Variants in STEAP1B observed in about 807,000 individuals in gnomAD.
STEAP1B encodes the protein STEAP family protein MGC87042.
Under a neutral mutation model 27.9 loss-of-function variants are expected in STEAP1B, and 13 were observed. That is an observed-to-expected ratio of 0.47 (90% CI 0.30 to 0.74). The LOEUF (loss-of-function observed/expected upper bound fraction) is 0.74, where lower values mean the gene tolerates loss of function less well. Ranked by LOEUF, STEAP1B falls within the 30% of genes least tolerant of loss-of-function variation. The probability of loss-of-function intolerance (pLI) is 0.06; values close to 1 mark genes in which losing one functional copy is unlikely to be tolerated. For missense variants in STEAP1B, 250 were observed against 298.7 expected, an observed-to-expected ratio of 0.84 and a Z score of 1.20; for synonymous variants, 86 against 107.1, an observed-to-expected ratio of 0.80 and a Z score of 1.22.
intron 4 of STEAP1B, among the ~76,000 whole-genome samples, chr7:22,470,075 G>C (rs931705126): frequency 6.6e-6 from 1 of 152,062 alleles, no homozygotes. Context: ...TGCACTCCAG[G>C]AGCAATGAGT....
At chr7:22,424,792 T>C (rs1006104556) in intron 4 of STEAP1B, among the ~76,000 whole-genome samples, 3 of 151,528 alleles carry the variant, frequency 2.0e-5, no homozygotes, top group Non-Finnish European at 4.4e-5. Flanking sequence ...TACCAAAGAA[T>C]ACCATTAAAA....
At chr7:22,472,232 G>C (rs973365575) in intron 4 of STEAP1B, among the ~76,000 whole-genome samples, 3 of 152,170 alleles carry the variant, frequency 2.0e-5, no homozygotes, top group African/African-American at 7.2e-5. Flanking sequence ...TAGTTCATCT[G>C]TGCAAATGTG....
chr7:22,422,096 T>C (rs139478823), intron 4 of STEAP1B, among the ~76,000 whole-genome samples: 2 of 152,380 alleles, frequency 1.3e-5, no homozygotes, highest in African/African-American at 2.4e-5. Flanking sequence ...TTCAACTGTG[T>C]TACCACTTAA....
chr7:22,495,606 A>T (rs1420258192), intron 1 of STEAP1B: 1 of 152,228 alleles, frequency 6.6e-6, no homozygotes, highest in Non-Finnish European at 1.5e-5. Flanking sequence ...TCACAGTACT[A>T]TTCATTGTTT....
chr7:22,494,869 T>C lies in STEAP1B; in HGVS notation c.-14A>G. On this transcript the variant is annotated 5_prime_UTR_variant, in exon 2 of 5. Transcript: ENST00000678116. ...TCTGCTTTCCATTAATTCTATAAAA[T>C]AGTATGGCTTCAGCCACCTGTAAAA... 1.3e-6 allele frequency: 2 copies of C among 1,483,012 alleles called. No homozygotes were observed. Among genetic ancestry groups the C allele is most frequent in the Non-Finnish European group, 1.8e-6 (2 of 1,090,786 alleles). The allele number at this position is 1,483,012 out of a possible 1,614,324, so 91.9% of individuals were successfully genotyped here. A position where few individuals can be genotyped will look rare whatever the true frequency, so the allele number is the denominator to read the frequency against.
chr7:22,425,850 C>A (rs1265216081), intron 4 of STEAP1B, among the ~76,000 whole-genome samples: 2 of 152,230 alleles, frequency 1.3e-5, no homozygotes, highest in African/African-American at 4.8e-5. Flanking sequence ...CTGACAAACG[C>A]TATCCTGCTG....
At chr7:22,487,760 G>A (rs1379328987) in intron 4 of STEAP1B, among the ~76,000 whole-genome samples, 1 of 132,920 alleles carries the variant, frequency 7.5e-6, no homozygotes, top group Non-Finnish European at 1.5e-5. Flanking sequence ...AACCAAGATC[G>A]CACCATTGCA....
intron 4 of STEAP1B, among the ~76,000 whole-genome samples, chr7:22,481,586 C>T (rs910286655): frequency 1.1e-4 from 16 of 152,218 alleles, no homozygotes; most frequent in Non-Finnish European, 1.0e-4. Context: ...AAGATCCCTG[C>T]GTTGGTTTGC....
rs577477974 is a variant in STEAP1B, at chr7:22,478,470, C to T, written c.762+14095G>A. ...TTCTTTAACACAGTCCTATGATAGCCACACGCTGTCACAGGAATAAGTAGT... is the reference window on the plus strand; with the variant it reads ...TTCTTTAACACAGTCCTATGATAGCTACACGCTGTCACAGGAATAAGTAGT... On this transcript the variant is annotated intron_variant, in intron 4 of 4. Coordinates refer to ENST00000678116, the MANE Select transcript of STEAP1B (RefSeq NM_001382447.1). 3.9e-5 allele frequency among the ~76,000 whole-genome samples: 6 copies of T among 152,178 alleles called. No individual in the cohort carries two copies. The East Asian group carries it at 1.2e-3, about 29-fold the overall frequency.
chr7:22,484,561 A>ATGTTT (rs887580793), intron 4 of STEAP1B, among the ~76,000 whole-genome samples: 78 of 152,322 alleles, frequency 5.1e-4, no homozygotes, highest in African/African-American at 1.9e-3. Context: ...AAGGAGACGA[A>ATGTTT]TGTTTTGTTT....
At chr7:22,481,683 C>T (rs558213001) in intron 4 of STEAP1B, among the ~76,000 whole-genome samples, 2 of 152,248 alleles carry the variant, frequency 1.3e-5, no homozygotes, top group Non-Finnish European at 2.9e-5. Context: ...ACTCACGTAA[C>T]GGTCTACTTT....
intron 4 of STEAP1B, among the ~76,000 whole-genome samples, chr7:22,451,603 G>T (rs1583637694): frequency 6.6e-6 from 1 of 152,118 alleles, no homozygotes; most frequent in African/African-American, 2.4e-5. Context: ...TATCGTGAAG[G>T]CATGTTGAAT....
chr7:22,470,714 G>T (rs181490214), intron 4 of STEAP1B, among the ~76,000 whole-genome samples: 282 of 152,218 alleles, frequency 1.9e-3, no homozygotes, highest in African/African-American at 6.5e-3. Context: ...AAAACATAGG[G>T]TCTGCAGTTT....
intron 4 of STEAP1B, among the ~76,000 whole-genome samples, chr7:22,427,520 T>C (rs1187796538): frequency 6.6e-6 from 1 of 152,198 alleles, no homozygotes; most frequent in Non-Finnish European, 1.5e-5. Context: ...AGGTCCCTAG[T>C]TTAGGCGTGG....
chr7:22,492,631 C>A lies in STEAP1B; in HGVS notation c.696G>T (p.Leu232=), dbSNP rs1786349563. The A allele has an allele frequency of 7.4e-6, 12 of 1,613,530 alleles. No homozygotes were observed. The highest frequency in any genetic ancestry group is 9.3e-6 in the Non-Finnish European group (11 of 1,179,760). The change falls in exon 4 of 5, where the codon CTG becomes CTT. Residue 232 remains leucine, a synonymous_variant. Coordinates refer to ENST00000678116, the MANE Select transcript of STEAP1B (RefSeq NM_001382447.1). ...CAGATGGAATAGATGTCACAGCCAA[C>A]AGAGCCAGTATTGCCAGTCCCACAA... is the stretch of plus-strand genomic sequence containing the variant. ...LGIVGLAILA[L]LAVTSIPSVS...
At chr7:22,483,312 G>A (rs1012528735) in intron 4 of STEAP1B, among the ~76,000 whole-genome samples, 5 of 152,100 alleles carry the variant, frequency 3.3e-5, no homozygotes, top group South Asian at 2.1e-4. Context: ...TTAACAGATC[G>A]TTATTCCACA....
chr7:22,434,959 T>G (rs1785235918), intron 4 of STEAP1B, among the ~76,000 whole-genome samples: 1 of 152,170 alleles, frequency 6.6e-6, no homozygotes, highest in African/African-American at 2.4e-5. Flanking sequence ...TGCTGTCCAG[T>G]GGAGTAGCTA....
At chr7:22,480,888 G>T (rs950177577) in intron 4 of STEAP1B, among the ~76,000 whole-genome samples, 2 of 152,198 alleles carry the variant, frequency 1.3e-5, no homozygotes, top group Non-Finnish European at 2.9e-5. Context: ...GCCTGGCGCA[G>T]GTCCAGCTCT....
chr7:22,432,278 C>T (rs1384402980), intron 4 of STEAP1B, among the ~76,000 whole-genome samples: 1 of 152,000 alleles, frequency 6.6e-6, no homozygotes, highest in African/African-American at 2.4e-5. Flanking sequence ...ATGGCTCACG[C>T]TTCTAATCCC....
Sources: allele counts gnomAD v4.1 joint callset (sites outside exome capture counted in the v4.1 genomes callset), GRCh38; gene constraint gnomAD v4.1.1; transcripts MANE v1.5; gene names NCBI Gene and HGNC (gene_info 2026-07-23, HGNC 2026-07-21).